LARGE1: variants seen among roughly 807,000 people sequenced by gnomAD.
LARGE1 encodes LARGE xylosyl- and glucuronyltransferase 1.
A neutral mutation model predicts 87.6 loss-of-function variants in LARGE1; 43 were observed. The observed-to-expected ratio is 0.49, with a 90% CI of 0.38 to 0.63. The LOEUF is 0.63. LARGE1 is among the 30% of genes least tolerant of loss of function. LARGE1 has a pLI of 0.00. For missense variants in LARGE1, 802 were observed against 1,000.2 expected (o/e 0.80, Z 2.67); for synonymous variants, 434 against 394.6 (o/e 1.10, Z -1.18).
At chr22:33,791,943 C>T (rs117057818) in intron 1 of LARGE1, among the ~76,000 whole-genome samples, 2 of 152,280 alleles carry the variant, frequency 1.3e-5, no homozygotes, top group South Asian at 2.1e-4. Context: ...ATAACATTAC[C>T]TCGTTTACTA....
At chr22:33,910,747 G>C (rs2146958958) in intron 1 of LARGE1, among the ~76,000 whole-genome samples, 1 of 152,320 alleles carries the variant, frequency 6.6e-6, no homozygotes, top group East Asian at 1.9e-4. Context: ...AGAGACAAGA[G>C]AGAGGATGGG....
chr22:33,284,233 C>T (rs982691180), intron 12 of LARGE1, among the ~76,000 whole-genome samples: 12 of 152,170 alleles, frequency 7.9e-5, no homozygotes, highest in Non-Finnish European at 1.5e-4. Flanking sequence ...CACCCCTGGC[C>T]GCACCAGAGC....
chr22:33,301,596 G>A (rs1404063698), intron 12 of LARGE1, among the ~76,000 whole-genome samples: 9 of 152,186 alleles, frequency 5.9e-5, no homozygotes, highest in African/African-American at 1.4e-4. Flanking sequence ...GTGGAGAGAC[G>A]ACTGGCTCCC....
chr22:33,758,841 G>A (rs747193075), intron 2 of LARGE1, among the ~76,000 whole-genome samples: 10 of 152,084 alleles, frequency 6.6e-5, no homozygotes, highest in South Asian at 2.1e-4. Flanking sequence ...CTCACCCAGC[G>A]TGTTTTAAGC....
chr22:33,751,563 TG>T (rs146474878), intron 2 of LARGE1, among the ~76,000 whole-genome samples: 2,444 of 152,076 alleles, frequency 0.016, 68 homozygotes, highest in African/African-American at 0.057. Flanking sequence ...CCTTGGGGCC[TG>T]CCCCAGTCTC....
chr22:33,789,667 G>A (rs2085761107), intron 1 of LARGE1, among the ~76,000 whole-genome samples: 1 of 152,214 alleles, frequency 6.6e-6, no homozygotes, highest in Non-Finnish European at 1.5e-5. Flanking sequence ...GCATGACCTA[G>A]AGGATGTGAG....
At chr22:33,416,962 A>C (rs1330980058) in intron 7 of LARGE1, among the ~76,000 whole-genome samples, 1 of 133,400 alleles carries the variant, frequency 7.5e-6, no homozygotes, top group Admixed American at 8.3e-5. Flanking sequence ...GCTGGAGTGC[A>C]GTGGTGTGAT....
chr22:33,160,771 C>T (rs1921997406), downstream of LARGE1, among the ~76,000 whole-genome samples: 1 of 152,228 alleles, frequency 6.6e-6, no homozygotes, highest in African/African-American at 2.4e-5. Flanking sequence ...TTTCATACAG[C>T]ATTTGCTTTA....
At chr22:33,600,102 C>T (rs1432252774) in intron 5 of LARGE1, among the ~76,000 whole-genome samples, 1 of 152,172 alleles carries the variant, frequency 6.6e-6, no homozygotes, top group Non-Finnish European at 1.5e-5. Flanking sequence ...TGACCCTGGG[C>T]TCTACAGTGA....
the LARGE1 span, among the ~76,000 whole-genome samples, chr22:33,125,134 T>G: frequency 6.6e-6 from 1 of 152,176 alleles, no homozygotes; most frequent in African/African-American, 2.4e-5. Context: ...ACTGTGGTAG[T>G]GTCTTATAGG....
At chr22:33,208,181 G>A (rs1376788769) in intron 11 of LARGE1, among the ~76,000 whole-genome samples, 2 of 151,418 alleles carry the variant, frequency 1.3e-5, no homozygotes, top group African/African-American at 4.9e-5. Flanking sequence ...AGATGCAGGT[G>A]TTCTAGAAAA....
intron 2 of LARGE1, among the ~76,000 whole-genome samples, chr22:33,656,662 T>C (rs966447996): frequency 1.3e-5 from 2 of 152,178 alleles, no homozygotes; most frequent in Non-Finnish European, 2.9e-5. Context: ...ATATACACAG[T>C]CTATGTATGA....
At chr22:33,626,672 T>C (rs2079932345) in intron 3 of LARGE1, among the ~76,000 whole-genome samples, 1 of 152,122 alleles carries the variant, frequency 6.6e-6, no homozygotes, top group Non-Finnish European at 1.5e-5. Context: ...AAATACATCT[T>C]GAAAGTATGA....
At chr22:33,397,664 A>C (rs554776737) in intron 7 of LARGE1, among the ~76,000 whole-genome samples, 1 of 152,330 alleles carries the variant, frequency 6.6e-6, no homozygotes, top group Non-Finnish European at 1.5e-5. Context: ...TTTTGACGGC[A>C]TGTGTATGCA....
intron 6 of LARGE1, among the ~76,000 whole-genome samples, chr22:33,444,545 A>G (rs1022200698): frequency 2.0e-5 from 3 of 152,062 alleles, no homozygotes; most frequent in African/African-American, 7.2e-5. Flanking sequence ...ATCTCTTTCT[A>G]TTCTTAAGCC....
chr22:33,482,360 A>T (rs947093675), intron 6 of LARGE1, among the ~76,000 whole-genome samples: 2 of 152,060 alleles, frequency 1.3e-5, no homozygotes, highest in African/African-American at 4.8e-5. Context: ...TCACACATTT[A>T]TCGGGCATTA....
At chr22:33,871,767 G>A (rs2064290724) in intron 1 of LARGE1, among the ~76,000 whole-genome samples, 3 of 151,706 alleles carry the variant, frequency 2.0e-5, no homozygotes, top group Admixed American at 2.0e-4. Flanking sequence ...TTCACTGCAT[G>A]AACCACACCG....
At chr22:33,464,950 TAC>T (rs965242302) in intron 6 of LARGE1, among the ~76,000 whole-genome samples, 54 of 151,326 alleles carry the variant, frequency 3.6e-4, no homozygotes, top group African/African-American at 9.5e-4. Flanking sequence ...CACACACACA[TAC>T]ACACACACAT....
At chr22:33,650,748 ACTACATGGCGAGGCTCCTTG>A in intron 2 of LARGE1, 80 bp from the exon 3 acceptor site, 1 of 1,510,026 alleles carries the variant, frequency 6.6e-7, no homozygotes, top group South Asian at 1.1e-5. Context: ...GACATCCCTT[ACTACATGGCGAGGCTCCTTG>A]CACAATCCCA....
Sources: allele counts gnomAD v4.1 joint callset (sites outside exome capture counted in the v4.1 genomes callset), GRCh38; gene constraint gnomAD v4.1.1; transcripts MANE v1.5; gene names NCBI Gene and HGNC (gene_info 2026-07-23, HGNC 2026-07-21).